PPTC7: variants seen among roughly 807,000 people sequenced by gnomAD.
The protein encoded by PPTC7 is protein phosphatase PTC7 homolog.
A neutral mutation model predicts 30.8 loss-of-function variants in PPTC7; 6 were observed. The observed-to-expected ratio is 0.19, with a 90% confidence interval of 0.11 to 0.38. The LOEUF (loss-of-function observed/expected upper bound fraction) is 0.38. PPTC7 is among the 10% of genes least tolerant of loss of function. The pLI is 1.00. For synonymous variants in PPTC7, 163 were observed against 168.1 expected (o/e 0.97, Z 0.23); for missense variants, 218 against 404.8 (o/e 0.54, Z 3.96).
At position 110,572,819 on chromosome 12, in the gene PPTC7, G is replaced by A. The variant is rs191158192; in HGVS notation, c.223+9990C>T. On this transcript the variant is annotated intron_variant, in intron 1 of 5. Coordinates refer to ENST00000354300, the MANE Select transcript of PPTC7 (RefSeq NM_139283.2). ...ATGAGAGCAATTTCACCACAGTTGGGAAAGTAATATATAACCTTTCTGGAG... is the reference window on the plus strand; with the variant it reads ...ATGAGAGCAATTTCACCACAGTTGGAAAAGTAATATATAACCTTTCTGGAG... 5.4e-3 allele frequency among the ~76,000 whole-genome samples: 818 copies of A among 152,274 alleles called. 3 individuals carry two copies. The highest frequency in any genetic ancestry group is 8.9e-3 in the Non-Finnish European group (607 of 68,022).
rs1205315315 is a variant in PPTC7 at position 110,583,001 on chromosome 12, C to A, written c.31G>T (p.Val11Leu). The change falls in exon 1 of 6, where the codon GTG (valine) becomes TTG (leucine). Residue 11 changes from valine to leucine, a missense_variant. Transcript: ENST00000354300. ...AGGCCGCCGAGCACGGCGCGGGCCA[C>A]CAGCCGCCCGTACGAGAGGACCGAG... MFSVLSYGRL[V>L]ARAVLGGLSQ... is the part of the protein sequence containing the mutation. 3.3e-6 allele frequency: 5 copies of A among 1,493,046 alleles called. No individual in the cohort carries two copies. In the African/African-American group the frequency reaches 5.9e-5, roughly 18 times the overall value. The allele number at this position is 1,493,046 out of a possible 1,614,324, so 92.5% of individuals were successfully genotyped here.
chr12:110,567,204 C>A (rs1271601639), intron 1 of PPTC7, among the ~76,000 whole-genome samples: 1 of 152,218 alleles, frequency 6.6e-6, no homozygotes, highest in Admixed American at 6.5e-5. Context: ...TGGCCTAGTA[C>A]CTGGCTCAAT....
chr12:110,567,977 T>G (rs1388169014), intron 1 of PPTC7, among the ~76,000 whole-genome samples: 5 of 151,294 alleles, frequency 3.3e-5, no homozygotes, highest in Non-Finnish European at 7.4e-5. Context: ...TTCTACAGCT[T>G]CCTCCCCACC....
Position 110,554,174 on chromosome 12 carries a change from T to G in PPTC7, c.224-2206A>C, listed in dbSNP as rs184327674. Among the ~76,000 whole-genome samples the G allele has an allele frequency of 7.4e-4, 112 of 152,280 alleles. 1 individual carries two copies. The highest frequency in any genetic ancestry group is 2.4e-3 in the African/African-American group (100 of 41,554). ...GGCCAAATTTCACCTTTTAAAAAAT[T>G]AACTATTATTATTTTTAGAGACAGT... On this transcript the variant is annotated intron_variant, in intron 1 of 5. Transcript: ENST00000354300.
At position 110,534,194 on chromosome 12, in the gene PPTC7, C is replaced by T. The variant is rs2135754774; in HGVS notation, c.*2843G>A. ...ATAAGGTTCTGATATGTTTAGAGTGCACATTTTAAAACAACAAAATAAAAA... is the reference window on the plus strand; with the variant it reads ...ATAAGGTTCTGATATGTTTAGAGTGTACATTTTAAAACAACAAAATAAAAA... On this transcript the variant is annotated 3_prime_UTR_variant, in exon 6 of 6. Transcript: ENST00000354300. 6.6e-6 allele frequency: 1 copy of T among 151,514 alleles called. No individual in the cohort carries two copies. The highest frequency in any genetic ancestry group is 2.1e-4 in the South Asian group (1 of 4,806). 9.4% of individuals were successfully genotyped at this position (151,514 alleles called of 1,614,324 possible).
At chr12:110,557,389 C>T (rs1021544272) in intron 1 of PPTC7, among the ~76,000 whole-genome samples, 2 of 152,134 alleles carry the variant, frequency 1.3e-5, no homozygotes, top group Non-Finnish European at 1.5e-5. Context: ...TTCCTCCCAC[C>T]TCAGCCTCCT....
chr12:110,553,138 G>A (rs1204610887), intron 1 of PPTC7, among the ~76,000 whole-genome samples: 2 of 150,010 alleles, frequency 1.3e-5, no homozygotes, highest in East Asian at 2.1e-4. Flanking sequence ...AGCCGAGATC[G>A]CGCCATTGCA....
intron 1 of PPTC7, among the ~76,000 whole-genome samples, chr12:110,556,851 C>T (rs2064392234): frequency 6.6e-6 from 1 of 152,258 alleles, no homozygotes; most frequent in Non-Finnish European, 1.5e-5. Context: ...GGAGGGTCAA[C>T]AGCCAGTGGT....
chr12:110,538,666 T>C (rs2064235837), intron 4 of PPTC7, among the ~76,000 whole-genome samples: 2 of 152,162 alleles, frequency 1.3e-5, no homozygotes, highest in African/African-American at 4.8e-5. Context: ...CTAGTGAAAA[T>C]ACCTTCAGAA....
chr12:110,551,063 T>C (rs955707256), intron 2 of PPTC7, among the ~76,000 whole-genome samples: 3 of 152,334 alleles, frequency 2.0e-5, no homozygotes, highest in South Asian at 2.1e-4. Flanking sequence ...GAGTAGAACA[T>C]GCAGCTTTAA....
intron 3 of PPTC7, among the ~76,000 whole-genome samples, chr12:110,541,164 C>T (rs2064256478): frequency 6.6e-6 from 1 of 150,672 alleles, no homozygotes; most frequent in South Asian, 2.1e-4. Flanking sequence ...GGTGGATCAC[C>T]TGAGGTCAGG....
chr12:110,559,513 G>A (rs2064419435), intron 1 of PPTC7, among the ~76,000 whole-genome samples: 5 of 151,588 alleles, frequency 3.3e-5, no homozygotes, highest in Admixed American at 2.6e-4. Flanking sequence ...ATCACTTGAG[G>A]TCAGGATTTC....
rs906962091 is a variant in PPTC7, at chr12:110,542,789, A to C, written c.603-2844T>G. Among the ~76,000 whole-genome samples, 150 of 152,104 alleles carry C rather than the reference A, an allele frequency of 9.9e-4. 1 individual carries two copies. Among genetic ancestry groups the C allele is most frequent in the African/African-American group, 4.3e-4 (18 of 41,542 alleles). On this transcript the variant is annotated intron_variant, in intron 3 of 5. Transcript: ENST00000354300. The stretch of plus-strand genomic sequence containing the variant: ...AGGAACAGGAGGCAGATGTCTCACT[A>C]AACTTTTTTGTGTACAACTCTTGAA...
At chr12:110,550,530 G>A (rs996963981) in intron 2 of PPTC7, among the ~76,000 whole-genome samples, 9 of 151,238 alleles carry the variant, frequency 6.0e-5, no homozygotes, top group South Asian at 2.1e-4. Flanking sequence ...GCCCCTGGCC[G>A]AACAGGGGCT....
rs2064222288 is a variant in PPTC7 at position 110,536,857 on chromosome 12, G to A, written c.*180C>T. The A allele has an allele frequency of 1.4e-5, 8 of 567,078 alleles. No individual in the cohort carries two copies. Among genetic ancestry groups the A allele is most frequent in the Non-Finnish European group, 2.2e-5 (7 of 317,800 alleles). 35.1% of individuals were successfully genotyped at this position (567,078 alleles called of 1,614,324 possible). ...AATTGCTGCCGGCAGATATGAGCTA[G>A]TGAATGATAGTAGTGGTTCTCAACA... On this transcript the variant is annotated 3_prime_UTR_variant, in exon 6 of 6. Transcript: ENST00000354300.
intron 3 of PPTC7, 68 bp downstream of exon 3, chr12:110,545,812 G>A (rs929474314): frequency 4.2e-5 from 59 of 1,419,220 alleles, no homozygotes; most frequent in Non-Finnish European, 4.9e-5. Context: ...CTGCACTCAA[G>A]GGGGACAGGA....
chr12:110,538,261 C>G lies in PPTC7; in HGVS notation c.739G>C (p.Glu247Gln), dbSNP rs767967410. The G allele has an allele frequency of 6.8e-6, 11 of 1,613,972 alleles. No homozygotes were observed. The highest frequency in any genetic ancestry group is 7.6e-6 in the Non-Finnish European group (9 of 1,179,888). ...ELKKLKNSNY[E>Q]SIQQTARSIA... ...CTTCTGGCAGTCTGTTGTATACTCT[C>G]ATAATTTGAATTCTAAGATAAAGCA... The change falls in exon 5 of 6, where the codon GAG (glutamate) becomes CAG (glutamine). Residue 247 changes from glutamate (E) to glutamine (Q), a missense_variant. Transcript: ENST00000354300.
intron 3 of PPTC7, among the ~76,000 whole-genome samples, chr12:110,543,110 G>A (rs16940894): frequency 0.011 from 1,619 of 152,222 alleles, 26 homozygotes; most frequent in East Asian, 0.077. Context: ...TAAGCTCCAC[G>A]GAAAAACCCC....
At chr12:110,538,335 C>A in intron 4 of PPTC7, 62 bp from the exon 5 acceptor site, 1 of 1,471,076 alleles carries the variant, frequency 6.8e-7, no homozygotes. Context: ...ATTTATCTAA[C>A]CACCTTTTCC....
Sources: allele counts gnomAD v4.1 joint callset (sites outside exome capture counted in the v4.1 genomes callset), GRCh38; gene constraint gnomAD v4.1.1; transcripts MANE v1.5; gene names NCBI Gene and HGNC (gene_info 2026-07-23, HGNC 2026-07-21).